GOLM2: variants seen among roughly 807,000 people sequenced by gnomAD.
The protein encoded by GOLM2 is protein GOLM2.
Under a neutral mutation model 55.9 loss-of-function variants are expected in GOLM2, and 26 were observed. That is an observed-to-expected ratio of 0.47 (90% CI 0.34 to 0.65). GOLM2 has a LOEUF of 0.65. Ranked by LOEUF, GOLM2 falls within the 30% of genes least tolerant of loss-of-function variation. GOLM2 has a pLI of 0.01. For synonymous variants in GOLM2, 165 were observed against 194.6 expected (o/e 0.85, Z 1.27); for missense variants, 486 against 531.8 (o/e 0.91, Z 0.85).
At chr15:44,384,590 C>CA (rs1437939807) in intron 8 of GOLM2, among the ~76,000 whole-genome samples, 1 of 151,890 alleles carries the variant, frequency 6.6e-6, no homozygotes, top group East Asian at 1.9e-4. Context: ...ACTAAAAATA[C>CA]AAAAAAATTA....
intron 1 of GOLM2, among the ~76,000 whole-genome samples, chr15:44,293,098 A>G (rs2078732682): frequency 6.6e-6 from 1 of 152,084 alleles, no homozygotes; most frequent in Non-Finnish European, 1.5e-5. Context: ...GTGAGCCACC[A>G]TACTTGGCCA....
rs992244243 is a variant in GOLM2, at chr15:44,289,430, G to C, written c.327+74G>C. On this transcript the variant is annotated intron_variant, in intron 1 of 9. Transcript: ENST00000299957. This position sits in a 1 kb window ranked among gnomAD's most constrained non-coding sequence, Gnocchi z 4.8. ...GGGGTCTGGGGCGGGATGTTAATCC[G>C]CTAGCTGTTGTCTTATGCCTTCCAG... The C allele has an allele frequency of 4.1e-5, 56 of 1,353,942 alleles. No homozygotes were observed. The highest frequency in any genetic ancestry group is 5.5e-5 in the Non-Finnish European group (55 of 993,662). 83.9% of individuals were successfully genotyped at this position (1,353,942 alleles called of 1,614,324 possible).
chr15:44,369,100 TA>T (rs2079310075), intron 6 of GOLM2, among the ~76,000 whole-genome samples: 1 of 98,102 alleles, frequency 1.0e-5, no homozygotes, highest in Non-Finnish European at 2.1e-5. Flanking sequence ...TATATATATA[TA>T]TATATATATA....
chr15:44,353,560 A>G (rs1221176547), intron 6 of GOLM2, among the ~76,000 whole-genome samples: 1 of 152,216 alleles, frequency 6.6e-6, no homozygotes, highest in East Asian at 1.9e-4. Context: ...GATAAGGAAA[A>G]TGTGGTATAT....
chr15:44,361,056 G>A (rs1357211434), intron 6 of GOLM2, among the ~76,000 whole-genome samples: 3 of 150,234 alleles, frequency 2.0e-5, no homozygotes, highest in African/African-American at 7.4e-5. Context: ...TCAAAGCAGT[G>A]TGTAGAGGGA....
At chr15:44,394,468 C>G (rs1010003762) in intron 8 of GOLM2, among the ~76,000 whole-genome samples, 1 of 152,172 alleles carries the variant, frequency 6.6e-6, no homozygotes, top group African/African-American at 2.4e-5. Flanking sequence ...TACCATGCTT[C>G]TTTCATTTCC....
rs545762252 is a variant in GOLM2 at position 44,292,671 on chromosome 15, A to G, written c.327+3315A>G. Among the ~76,000 whole-genome samples the G allele has an allele frequency of 2.0e-5, 3 of 152,106 alleles. No individual in the cohort carries two copies. In the East Asian group the frequency reaches 5.8e-4, roughly 29 times the overall value. The stretch of plus-strand genomic sequence containing the variant: ...CTTGGTGTGCCACTTCTGTATTTTG[A>G]GCTGGCTATAACAACTTTCTTGGGC... On this transcript the variant is annotated intron_variant, in intron 1 of 9. Transcript: ENST00000299957.
chr15:44,391,389 C>T (rs973489501), intron 8 of GOLM2, among the ~76,000 whole-genome samples: 11 of 151,628 alleles, frequency 7.3e-5, no homozygotes, highest in East Asian at 1.9e-4. Context: ...TGGTGGCGGG[C>T]GCCTGTAGTC....
intron 6 of GOLM2, among the ~76,000 whole-genome samples, chr15:44,370,267 A>G (rs1234416657): frequency 6.6e-6 from 1 of 152,228 alleles, no homozygotes; most frequent in Non-Finnish European, 1.5e-5. Context: ...AATACTAACC[A>G]TCACAGAGCC....
At chr15:44,300,463 G>T (rs773023823) in intron 1 of GOLM2, among the ~76,000 whole-genome samples, 22 of 151,910 alleles carry the variant, frequency 1.4e-4, no homozygotes, top group Non-Finnish European at 2.5e-4. Context: ...CCTGATAAAG[G>T]ACTGAGTAAT....
At chr15:44,399,685 T>C (rs1025657653) in intron 8 of GOLM2, among the ~76,000 whole-genome samples, 1 of 152,188 alleles carries the variant, frequency 6.6e-6, no homozygotes, top group Non-Finnish European at 1.5e-5. Flanking sequence ...GAGTCTTCTG[T>C]ATTTCATAAC....
At chr15:44,376,910 G>T (rs1806173363) in intron 6 of GOLM2, among the ~76,000 whole-genome samples, 1 of 152,012 alleles carries the variant, frequency 6.6e-6, no homozygotes, top group African/African-American at 2.4e-5. Context: ...CAAAACCAAG[G>T]CTGGGGTTTT....
chr15:44,322,448 G>A (rs943577822), intron 1 of GOLM2, among the ~76,000 whole-genome samples: 2 of 152,202 alleles, frequency 1.3e-5, no homozygotes, highest in Non-Finnish European at 2.9e-5. Flanking sequence ...TTACTTTGGG[G>A]TAGACAAGAG....
At chr15:44,365,819 C>T (rs1285651526) in intron 6 of GOLM2, among the ~76,000 whole-genome samples, 1 of 152,038 alleles carries the variant, frequency 6.6e-6, no homozygotes, top group African/African-American at 2.4e-5. Flanking sequence ...AGAATGAACC[C>T]TAATGTAAAC....
rs187596787 is a variant in GOLM2, at chr15:44,403,578, A to T, written c.1240+524A>T. ...ATTTTAATTTTTAAAAATTTTGGTTATCTTATGTGTATTATTGATACAGCT... is the reference window on the plus strand; with the variant it reads ...ATTTTAATTTTTAAAAATTTTGGTTTTCTTATGTGTATTATTGATACAGCT... On this transcript the variant is annotated intron_variant, in intron 9 of 9. Transcript: ENST00000299957. Among the ~76,000 whole-genome samples, 241 of 152,270 alleles carry T rather than the reference A, an allele frequency of 1.6e-3. 2 individuals carry two copies. Among genetic ancestry groups the T allele is most frequent in the African/African-American group, 5.6e-3 (232 of 41,564 alleles).
At chr15:44,400,793 G>A (rs1340799343) in intron 8 of GOLM2, among the ~76,000 whole-genome samples, 1 of 151,952 alleles carries the variant, frequency 6.6e-6, no homozygotes, top group Non-Finnish European at 1.5e-5. Flanking sequence ...AGCCAGGATG[G>A]TCTTGATCTC....
intron 1 of GOLM2, among the ~76,000 whole-genome samples, chr15:44,310,343 C>A (rs1395671938): frequency 6.6e-6 from 1 of 151,636 alleles, no homozygotes. Flanking sequence ...AGAGAACCAA[C>A]TAAAAAGACT....
At chr15:44,311,197 C>T (rs2078873183) in intron 1 of GOLM2, among the ~76,000 whole-genome samples, 1 of 152,084 alleles carries the variant, frequency 6.6e-6, no homozygotes, top group Admixed American at 6.6e-5. Flanking sequence ...TAGATTATGC[C>T]ACTGCCTTGA....
chr15:44,339,985 A>G (rs1484515078), intron 6 of GOLM2, among the ~76,000 whole-genome samples: 4 of 151,450 alleles, frequency 2.6e-5, no homozygotes, highest in Non-Finnish European at 5.9e-5. Flanking sequence ...ACACCTGACT[A>G]ATTTTTATAG....
Sources: allele counts gnomAD v4.1 joint callset (sites outside exome capture counted in the v4.1 genomes callset), GRCh38; gene constraint gnomAD v4.1.1; non-coding constraint Gnocchi (gnomAD v3.1); transcripts MANE v1.5; gene names NCBI Gene and HGNC (gene_info 2026-07-23, HGNC 2026-07-21).